Variants in TG observed in about 807,000 individuals in gnomAD.
TG encodes the protein thyroid hormones.
TG carries 270 observed loss-of-function variants against 324.7 expected under a neutral mutation model. The ratio of observed to expected loss-of-function variants is 0.83; its 90% CI spans 0.75 to 0.92. The LOEUF is 0.92. Among genes scored for constraint, TG ranks in the 40% least tolerant of loss-of-function variants. The pLI is 0.00. For synonymous variants in TG, 1,401 were observed against 1,327.0 expected (o/e 1.06, Z -1.21); for missense variants, 3,591 against 3,456.4 (o/e 1.04, Z -0.98).
chr8:132,906,994 A>G (rs1012839443), intron 17 of TG, 94 bp downstream of exon 17: 4 of 1,316,458 alleles, frequency 3.0e-6, no homozygotes, highest in Non-Finnish European at 4.2e-6. Context: ...CCATTTCCCC[A>G]CCCAAATGTA....
At chr8:132,929,288 A>G (rs998171616) in intron 23 of TG, 96 bp downstream of exon 23, 11 of 920,572 alleles carry the variant, frequency 1.2e-5, no homozygotes, top group Non-Finnish European at 2.0e-5. Flanking sequence ...CATTAAAACT[A>G]TAATTTAAAA....
intron 8 of TG, among the ~76,000 whole-genome samples, chr8:132,885,572 G>A (rs149581958): frequency 6.6e-6 from 1 of 152,092 alleles, no homozygotes; most frequent in Non-Finnish European, 1.5e-5. Flanking sequence ...GGAGGAATTA[G>A]CCACACTAAA....
At chr8:132,957,766 C>CACACACACACAG (rs58751489) in intron 27 of TG, among the ~76,000 whole-genome samples, 41,835 of 145,406 alleles carry the variant, frequency 0.29, 7,353 homozygotes, top group Admixed American at 0.44. Context: ...CACACACACA[C>CACACACACACAG]ACACACACAC....
intron 36 of TG, among the ~76,000 whole-genome samples, chr8:133,012,775 C>T (rs1434272455): frequency 2.0e-5 from 3 of 152,248 alleles, no homozygotes; most frequent in Non-Finnish European, 4.4e-5. Flanking sequence ...ATGCACTGCA[C>T]ACCTCTGGGT....
At chr8:132,988,429 G>A (rs1211346401) in intron 35 of TG, among the ~76,000 whole-genome samples, 3 of 152,156 alleles carry the variant, frequency 2.0e-5, no homozygotes, top group Non-Finnish European at 2.9e-5. Flanking sequence ...TGCAGAAGAG[G>A]ACCGGGGCCA....
intron 43 of TG, among the ~76,000 whole-genome samples, chr8:133,100,635 T>A (rs1440779635): frequency 6.6e-6 from 1 of 152,164 alleles, no homozygotes; most frequent in East Asian, 1.9e-4. Context: ...TAAAACCCAG[T>A]TCTATCTGCC....
intron 26 of TG, among the ~76,000 whole-genome samples, chr8:132,943,953 C>T (rs1239577402): frequency 6.6e-6 from 1 of 152,194 alleles, no homozygotes; most frequent in East Asian, 1.9e-4. Context: ...ATAGGTCCCA[C>T]CTCCACCTCT....
Position 132,888,042 on chromosome 8 carries a change from G to C in TG, c.2235G>C (p.Leu745=). 6 of 1,614,148 alleles carry C rather than the reference G, an allele frequency of 3.7e-6. No homozygotes were observed. Among genetic ancestry groups the C allele is most frequent in the Non-Finnish European group, 5.1e-6 (6 of 1,180,026 alleles). ...CTTTCCTCAGGACGGTGCAGGCCCT[G>C]CTCTCTAACTCCAGCATGCTACCCA... ...EQAFLRTVQA[L]LSNSSMLPTL... Residue 745 remains leucine, a synonymous_variant, in exon 10 of 48, where the codon CTG becomes CTC. Coordinates refer to ENST00000220616, the MANE Select transcript of TG (RefSeq NM_003235.5).
At chr8:132,878,526 G>C (rs1814173553) in intron 5 of TG, among the ~76,000 whole-genome samples, 1 of 149,668 alleles carries the variant, frequency 6.7e-6, no homozygotes, top group Non-Finnish European at 1.5e-5. Flanking sequence ...TGAGGCAGGA[G>C]AATCACTTGA....
At chr8:132,950,352 G>T (rs1375803076) in intron 27 of TG, among the ~76,000 whole-genome samples, 1 of 152,218 alleles carries the variant, frequency 6.6e-6, no homozygotes, top group African/African-American at 2.4e-5. Flanking sequence ...GGGTCAGTGG[G>T]ATTCTTTCTG....
At chr8:133,032,848 G>A (rs1208886411) in intron 41 of TG, among the ~76,000 whole-genome samples, 1 of 152,168 alleles carries the variant, frequency 6.6e-6, no homozygotes, top group Non-Finnish European at 1.5e-5. Flanking sequence ...CACTTTCAGT[G>A]TCTTATCTCA....
rs10091720 is a variant in TG, at chr8:133,116,581, G to A, written c.7755-28G>A. ...TGGCCCATAGAGCCATGTTTAACCA[G>A]ACTCCCCCCATGTTCTCTTTTCACC... On this transcript the variant is annotated intron_variant, in intron 44 of 47. Transcript: ENST00000220616. 1.5e-3 allele frequency: 2,348 copies of A among 1,597,994 alleles called. 32 individuals carry two copies. The African/African-American group carries it at 0.027, about 19-fold the overall frequency.
At chr8:132,893,667 CTG>C in intron 10 of TG, 21 bp from the exon 11 acceptor site, 2 of 1,613,256 alleles carry the variant, frequency 1.2e-6, no homozygotes, top group Non-Finnish European at 8.5e-7. Context: ...GTGAGTCCAT[CTG>C]TGTTATTTTT....
intron 24 of TG, 38 bp downstream of exon 24, chr8:132,933,714 C>A: frequency 6.3e-7 from 1 of 1,584,424 alleles, no homozygotes; most frequent in Non-Finnish European, 8.7e-7. Flanking sequence ...TGCTCCTCAT[C>A]CGCTGTGGAT....
intron 35 of TG, among the ~76,000 whole-genome samples, chr8:132,987,805 C>A (rs1166204948): frequency 1.3e-5 from 2 of 151,808 alleles, no homozygotes; most frequent in African/African-American, 4.8e-5. Flanking sequence ...ATATGCAAAC[C>A]ATTCTCTCTG....
chr8:132,908,292 G>A lies in TG; in HGVS notation c.3954G>A (p.Gln1318=). ...ADYADLLQTF[Q]VFILDELTAR... is the part of the protein sequence containing the mutation. Reference sequence around the variant, plus strand: ...ACGCGGATTTGCTGCAGACTTTCCAGGTTTTCATATTGGATGAGCTGACAG... The same window carrying A: ...ACGCGGATTTGCTGCAGACTTTCCAAGTTTTCATATTGGATGAGCTGACAG... Residue 1318 remains glutamine (Q), a synonymous_variant, in exon 18 of 48, where the codon CAG becomes CAA. Coordinates refer to ENST00000220616, the MANE Select transcript of TG (RefSeq NM_003235.5). 4 of 1,613,470 alleles carry A rather than the reference G, an allele frequency of 2.5e-6. No individual in the cohort carries two copies. Among genetic ancestry groups the A allele is most frequent in the Non-Finnish European group, 2.5e-6 (3 of 1,179,822 alleles).
At chr8:133,011,639 T>C (rs1392607905) in intron 35 of TG, among the ~76,000 whole-genome samples, 1 of 152,238 alleles carries the variant, frequency 6.6e-6, no homozygotes, top group African/African-American at 2.4e-5. Context: ...AGCTGCTTAA[T>C]AGAAACAGCC....
At chr8:133,125,951 C>A (rs1202197180) in intron 45 of TG, among the ~76,000 whole-genome samples, 1 of 152,092 alleles carries the variant, frequency 6.6e-6, no homozygotes, top group Non-Finnish European at 1.5e-5. Flanking sequence ...TCATTCATAT[C>A]CAGGACGGCT....
At chr8:132,883,148 T>C in intron 8 of TG, 149 bp downstream of exon 8, 1 of 770,308 alleles carries the variant, frequency 1.3e-6, no homozygotes, top group South Asian at 1.9e-5. Context: ...AGAACCAGTT[T>C]ATCATCATTA....
Sources: allele counts gnomAD v4.1 joint callset (sites outside exome capture counted in the v4.1 genomes callset), GRCh38; gene constraint gnomAD v4.1.1; transcripts MANE v1.5; gene names NCBI Gene and HGNC (gene_info 2026-07-23, HGNC 2026-07-21).